Variants in CNTN3 observed in about 807,000 individuals in gnomAD.
The protein encoded by CNTN3 is contactin 3.
A neutral mutation model predicts 119.1 loss-of-function variants in CNTN3; 60 were observed. That is an observed-to-expected ratio of 0.50 (90% CI 0.41 to 0.62). CNTN3 has a LOEUF of 0.62. Ranked by LOEUF, CNTN3 falls within the 20% of genes least tolerant of loss-of-function variation. The pLI is 0.00. For missense variants in CNTN3, 1,101 were observed against 1,242.4 expected (o/e 0.89, Z 1.71); for synonymous variants, 450 against 438.7 (o/e 1.03, Z -0.32).
At chr3:74,500,742 T>C (rs866305459) in intron 2 of CNTN3, among the ~76,000 whole-genome samples, 2 of 152,008 alleles carry the variant, frequency 1.3e-5, no homozygotes, top group Non-Finnish European at 2.9e-5. Flanking sequence ...TTATCATAAG[T>C]GTAACAACAA....
chr3:74,359,871 C>A (rs1002526121), intron 11 of CNTN3, among the ~76,000 whole-genome samples: 3 of 152,020 alleles, frequency 2.0e-5, no homozygotes, highest in Non-Finnish European at 2.9e-5. Flanking sequence ...GTCATGAGTT[C>A]CATATGAAGA....
chr3:74,389,621 C>G, intron 5 of CNTN3, among the ~76,000 whole-genome samples: 1 of 152,140 alleles, frequency 6.6e-6, no homozygotes, highest in Admixed American at 6.5e-5. Context: ...TTCACACCAT[C>G]CCATCAGGTA....
At chr3:74,537,050 G>T (rs1289351664) in intron 1 of CNTN3, among the ~76,000 whole-genome samples, 2 of 151,886 alleles carry the variant, frequency 1.3e-5, no homozygotes, top group African/African-American at 4.8e-5. Context: ...GACAAGATGT[G>T]TCCTGAGACC....
At chr3:74,266,791 T>G in intron 21 of CNTN3, 142 bp from the exon 22 acceptor site, 1 of 719,210 alleles carries the variant, frequency 1.4e-6, no homozygotes, top group Non-Finnish European at 2.3e-6. Context: ...TAATTGTAAG[T>G]CTTAGATTAG....
intron 13 of CNTN3, among the ~76,000 whole-genome samples, chr3:74,330,950 A>G (rs888359652): frequency 2.0e-5 from 3 of 152,234 alleles, no homozygotes; most frequent in Non-Finnish European, 4.4e-5. Flanking sequence ...CTGGGTGTTA[A>G]TGACAAAACA....
chr3:74,419,980 A>C (rs1308541807), intron 5 of CNTN3, among the ~76,000 whole-genome samples: 1 of 152,214 alleles, frequency 6.6e-6, no homozygotes, highest in Non-Finnish European at 1.5e-5. Flanking sequence ...TAACTAGATT[A>C]ATAATTATGC....
chr3:74,428,196 AC>A (rs1701727252), intron 4 of CNTN3, among the ~76,000 whole-genome samples: 2 of 151,950 alleles, frequency 1.3e-5, no homozygotes, highest in African/African-American at 4.8e-5. Context: ...ATACTAAATA[AC>A]TGTTACGGGT....
chr3:74,265,731 T>G (rs1701650567), intron 22 of CNTN3, among the ~76,000 whole-genome samples: 5 of 152,118 alleles, frequency 3.3e-5, no homozygotes, highest in Admixed American at 3.3e-4. Context: ...GTTTCAGTCC[T>G]GATTACCCAT....
At chr3:74,439,136 T>C (rs1227340767) in intron 4 of CNTN3, among the ~76,000 whole-genome samples, 1 of 152,216 alleles carries the variant, frequency 6.6e-6, no homozygotes, top group Non-Finnish European at 1.5e-5. Flanking sequence ...GATTATTTTA[T>C]GAACTATCTG....
At chr3:74,494,696 A>G (rs904355761) in intron 3 of CNTN3, among the ~76,000 whole-genome samples, 2 of 152,112 alleles carry the variant, frequency 1.3e-5, no homozygotes. Flanking sequence ...AAATTCCATT[A>G]TTTGTTTTCC....
At chr3:74,360,650 A>G (rs11715775) in intron 11 of CNTN3, among the ~76,000 whole-genome samples, 29,094 of 152,050 alleles carry the variant, frequency 0.19, 2,999 homozygotes, top group Middle Eastern at 0.24. Flanking sequence ...GAAGGGTTGC[A>G]TTCCTTCTGA....
At chr3:74,309,250 A>G (rs573162525) in intron 13 of CNTN3, among the ~76,000 whole-genome samples, 116 of 152,206 alleles carry the variant, frequency 7.6e-4, no homozygotes, top group African/African-American at 2.7e-3. Flanking sequence ...GATGACAGGC[A>G]TGTGCCACCA....
chr3:74,492,410 A>G (rs1348055649), intron 3 of CNTN3, among the ~76,000 whole-genome samples: 1 of 152,130 alleles, frequency 6.6e-6, no homozygotes, highest in Non-Finnish European at 1.5e-5. Flanking sequence ...TACATTCTCT[A>G]CACACAACAG....
intron 5 of CNTN3, among the ~76,000 whole-genome samples, chr3:74,391,561 T>C (rs962501098): frequency 2.3e-5 from 2 of 86,068 alleles, no homozygotes; most frequent in Non-Finnish European, 4.9e-5. Context: ...TAGTTTCTTT[T>C]TTTTTTTTTT....
chr3:74,535,163 T>C (rs765989977), intron 1 of CNTN3, among the ~76,000 whole-genome samples: 11 of 152,136 alleles, frequency 7.2e-5, no homozygotes, highest in Non-Finnish European at 1.5e-4. Flanking sequence ...TTTTAAAATT[T>C]GCTTTATCAC....
At chr3:74,455,169 C>G (rs1702243928) in intron 4 of CNTN3, among the ~76,000 whole-genome samples, 1 of 152,110 alleles carries the variant, frequency 6.6e-6, no homozygotes, top group Non-Finnish European at 1.5e-5. Flanking sequence ...TTGGTCTTTT[C>G]ACATAGTCCC....
chr3:74,415,588 AGTTT>A (rs1421093781), intron 5 of CNTN3, among the ~76,000 whole-genome samples: 5 of 152,206 alleles, frequency 3.3e-5, no homozygotes, highest in Non-Finnish European at 5.9e-5. Flanking sequence ...ATTAGTTATG[AGTTT>A]GTTTGTCAGA....
intron 4 of CNTN3, among the ~76,000 whole-genome samples, chr3:74,428,334 A>T (rs1701730058): frequency 6.6e-6 from 1 of 151,810 alleles, no homozygotes; most frequent in African/African-American, 2.4e-5. Flanking sequence ...AGAAGGAGGC[A>T]TTGTCATTAT....
chr3:74,363,756 A>T (rs1167578284), intron 10 of CNTN3, among the ~76,000 whole-genome samples: 2 of 152,096 alleles, frequency 1.3e-5, no homozygotes, highest in East Asian at 3.9e-4. Flanking sequence ...ACACTGGACC[A>T]AATTATGCTG....
Sources: allele counts gnomAD v4.1 joint callset (sites outside exome capture counted in the v4.1 genomes callset), GRCh38; gene constraint gnomAD v4.1.1; transcripts MANE v1.5; gene names NCBI Gene and HGNC (gene_info 2026-07-23, HGNC 2026-07-21).